HECW2: variants seen among roughly 807,000 people sequenced by gnomAD.
HECW2 encodes the protein E3 ubiquitin-protein ligase HECW2.
A neutral mutation model predicts 175.2 loss-of-function variants in HECW2; 61 were observed. The observed-to-expected ratio is 0.35, with a 90% CI of 0.28 to 0.43. The LOEUF is 0.43. Among genes scored for constraint, HECW2 ranks in the 20% least tolerant of loss-of-function variants. The probability of loss-of-function intolerance (pLI) is 1.00; values close to 1 mark genes in which losing one functional copy is unlikely to be tolerated. For missense variants in HECW2, 1,524 were observed against 2,000.5 expected (o/e 0.76, Z 4.54); for synonymous variants, 671 against 731.0 (o/e 0.92, Z 1.32).
At chr2:196,442,911 C>T (rs1303445256) in intron 1 of HECW2, among the ~76,000 whole-genome samples, 1 of 152,052 alleles carries the variant, frequency 6.6e-6, no homozygotes, top group Non-Finnish European at 1.5e-5. Context: ...TGGTTATCTT[C>T]GAGGGCTCCT....
At chr2:196,204,152 T>C (rs1245009724) in intron 28 of HECW2, among the ~76,000 whole-genome samples, 1 of 152,210 alleles carries the variant, frequency 6.6e-6, no homozygotes, top group East Asian at 1.9e-4. Context: ...TTGTAAATAA[T>C]GCTCCTATGA....
intron 2 of HECW2, among the ~76,000 whole-genome samples, chr2:196,379,257 T>C (rs1206951027): frequency 6.6e-6 from 1 of 152,166 alleles, no homozygotes; most frequent in Non-Finnish European, 1.5e-5. Context: ...TAACCTACAA[T>C]CAAGCCTTAA....
At chr2:196,511,122 C>T (rs566965817) in intron 1 of HECW2, among the ~76,000 whole-genome samples, 1 of 152,296 alleles carries the variant, frequency 6.6e-6, no homozygotes, top group South Asian at 2.1e-4. Flanking sequence ...TGCACCAGCA[C>T]ACCCAGCTAA....
chr2:196,452,186 C>T (rs1696368154), intron 1 of HECW2, among the ~76,000 whole-genome samples: 1 of 152,092 alleles, frequency 6.6e-6, no homozygotes, highest in Non-Finnish European at 1.5e-5. Context: ...ATGAGATATG[C>T]TGCAAGTATA....
At chr2:196,352,419 A>G (rs1288469052) in intron 2 of HECW2, among the ~76,000 whole-genome samples, 2 of 152,234 alleles carry the variant, frequency 1.3e-5, no homozygotes, top group Non-Finnish European at 2.9e-5. Flanking sequence ...ATATCTGTGC[A>G]CTGAAAGGTG....
chr2:196,306,466 C>A (rs200218571), intron 13 of HECW2, 22 bp downstream of exon 13: 3 of 1,592,244 alleles, frequency 1.9e-6, no homozygotes, highest in South Asian at 2.3e-5. Flanking sequence ...TTCCTTCACA[C>A]TCTTTCAGAT....
intron 2 of HECW2, among the ~76,000 whole-genome samples, chr2:196,404,833 T>C (rs1694917457): frequency 7.4e-6 from 1 of 135,412 alleles, no homozygotes; most frequent in Admixed American, 7.5e-5. Flanking sequence ...TTTTTTTTTT[T>C]TTTTTTTTTG....
At chr2:196,372,717 C>T (rs1300483956) in intron 2 of HECW2, among the ~76,000 whole-genome samples, 1 of 152,164 alleles carries the variant, frequency 6.6e-6, no homozygotes, top group Non-Finnish European at 1.5e-5. Context: ...CTTTCTGATG[C>T]TTATAAGTTG....
At chr2:196,278,133 A>AAAAAAAAAAAATATATAT (rs531920307) in intron 15 of HECW2, among the ~76,000 whole-genome samples, 1 of 66,550 alleles carries the variant, frequency 1.5e-5, no homozygotes, top group African/African-American at 4.1e-5. Context: ...ATAATTAAAA[A>AAAAAAAAAAAATATATAT]ATATATATAT....
chr2:196,590,397 T>C (rs1214532003), intron 1 of HECW2, among the ~76,000 whole-genome samples: 1 of 152,186 alleles, frequency 6.6e-6, no homozygotes, highest in Non-Finnish European at 1.5e-5. Context: ...TGGCTTTTGA[T>C]AACAGAGCTG....
chr2:196,531,840 A>C (rs1688850985), intron 1 of HECW2, among the ~76,000 whole-genome samples: 1 of 152,122 alleles, frequency 6.6e-6, no homozygotes, highest in Admixed American at 6.5e-5. Flanking sequence ...GACTCTCCCT[A>C]ATCTTGAAGG....
chr2:196,306,885 T>C (rs1000317233), intron 12 of HECW2, among the ~76,000 whole-genome samples: 3 of 152,240 alleles, frequency 2.0e-5, no homozygotes, highest in African/African-American at 7.2e-5. Flanking sequence ...CTTTTTCCAG[T>C]ATCCCACAGA....
intron 1 of HECW2, among the ~76,000 whole-genome samples, chr2:196,470,835 T>C (rs1356307039): frequency 1.3e-5 from 2 of 152,058 alleles, no homozygotes; most frequent in African/African-American, 2.4e-5. Context: ...GCATCTATAA[T>C]AGATAACTGG....
chr2:196,206,302 TAAG>T (rs1425567103), intron 28 of HECW2, among the ~76,000 whole-genome samples: 1 of 152,236 alleles, frequency 6.6e-6, no homozygotes, highest in Non-Finnish European at 1.5e-5. Flanking sequence ...GCATCAATAT[TAAG>T]AAGATTTAAA....
At chr2:196,254,335 A>G (rs1688969100) in intron 18 of HECW2, among the ~76,000 whole-genome samples, 1 of 152,222 alleles carries the variant, frequency 6.6e-6, no homozygotes, top group Non-Finnish European at 1.5e-5. Context: ...AGATTTGGAA[A>G]CAGGATTCCA....
chr2:196,351,700 T>G (rs958275166), intron 2 of HECW2, among the ~76,000 whole-genome samples: 1 of 152,250 alleles, frequency 6.6e-6, no homozygotes, highest in African/African-American at 2.4e-5. Flanking sequence ...AATTCTAAAT[T>G]GATTTTCAAT....
intron 2 of HECW2, among the ~76,000 whole-genome samples, chr2:196,410,417 T>C (rs1695078745): frequency 6.6e-6 from 1 of 152,146 alleles, no homozygotes; most frequent in Non-Finnish European, 1.5e-5. Flanking sequence ...GACAAAGCAG[T>C]TTAAACTTAG....
chr2:196,516,029 C>T (rs1003075749), intron 1 of HECW2, among the ~76,000 whole-genome samples: 2 of 151,894 alleles, frequency 1.3e-5, no homozygotes, highest in Non-Finnish European at 2.9e-5. Flanking sequence ...CCCAGCTACT[C>T]GGGTGGCTAA....
At chr2:196,483,581 T>C (rs1185975110) in intron 1 of HECW2, among the ~76,000 whole-genome samples, 1 of 152,206 alleles carries the variant, frequency 6.6e-6, no homozygotes, top group Non-Finnish European at 1.5e-5. Flanking sequence ...ATCCAGTAAG[T>C]GAGAACACAC....
Sources: allele counts gnomAD v4.1 joint callset (sites outside exome capture counted in the v4.1 genomes callset), GRCh38; gene constraint gnomAD v4.1.1; transcripts MANE v1.5; gene names NCBI Gene and HGNC (gene_info 2026-07-23, HGNC 2026-07-21).